GSE1: variants seen among roughly 807,000 people sequenced by gnomAD.
The protein encoded by GSE1 is genetic suppressor element 1.
A neutral mutation model predicts 112.6 loss-of-function variants in GSE1; 32 were observed. That is an observed-to-expected ratio of 0.28 (90% CI 0.21 to 0.38). The LOEUF is 0.38. Ranked by LOEUF, GSE1 falls within the 10% of genes least tolerant of loss-of-function variation. The pLI is 1.00. For synonymous variants in GSE1, 1,115 were observed against 735.6 expected (o/e 1.52, Z -8.35); for missense variants, 2,348 against 1,699.2 (o/e 1.38, Z -6.71).
intron 2 of GSE1, among the ~76,000 whole-genome samples, chr16:85,412,897 G>A (rs1013944796): frequency 5.9e-5 from 9 of 152,208 alleles, no homozygotes; most frequent in Admixed American, 5.2e-4. Context: ...TTTTCAGGGG[G>A]CCGTGATCCA....
chr16:85,361,624 A>G (rs1187222032), intron 2 of GSE1, among the ~76,000 whole-genome samples: 1 of 152,224 alleles, frequency 6.6e-6, no homozygotes, highest in African/African-American at 2.4e-5. Context: ...GTAACCGCCC[A>G]GGGCCGTCCG....
chr16:85,654,138 G>T, intron 3 of GSE1, 140 bp from the exon 4 acceptor site: 1 of 760,670 alleles, frequency 1.3e-6, no homozygotes, highest in Non-Finnish European at 2.1e-6. Context: ...CATGTTTTGC[G>T]TAGAAAGCCT....
chr16:85,452,273 C>T (rs751526651), intron 2 of GSE1, among the ~76,000 whole-genome samples: 23 of 152,308 alleles, frequency 1.5e-4, no homozygotes, highest in Non-Finnish European at 2.8e-4. Flanking sequence ...CCTGCCAGCG[C>T]GGTTATTTAT....
intron 2 of GSE1, among the ~76,000 whole-genome samples, chr16:85,500,132 C>T (rs1166964258): frequency 6.6e-6 from 1 of 152,202 alleles, no homozygotes; most frequent in Non-Finnish European, 1.5e-5. Context: ...TATCATCATC[C>T]CCAATATTGC....
chr16:85,186,058 A>G (rs1251958345), intron 1 of GSE1, among the ~76,000 whole-genome samples: 1 of 152,208 alleles, frequency 6.6e-6, no homozygotes, highest in Non-Finnish European at 1.5e-5. Context: ...GCGACATCTG[A>G]CCATAGTCAC....
chr16:85,620,366 A>G (rs1263505268), intron 1 of GSE1, among the ~76,000 whole-genome samples: 1 of 152,242 alleles, frequency 6.6e-6, no homozygotes, highest in Admixed American at 6.5e-5. Context: ...CTGAATTCCC[A>G]GTGTACATTT....
At position 85,673,093 on chromosome 16, in the gene GSE1, C is replaced by G. The variant is rs990852825; in HGVS notation, c.*554C>G. 1.3e-5 allele frequency: 2 copies of G among 152,038 alleles called. No individual in the cohort carries two copies. The highest frequency in any genetic ancestry group is 6.5e-5 in the Admixed American group (1 of 15,278). 9.4% of individuals were successfully genotyped at this position (152,038 alleles called of 1,614,324 possible). On this transcript the variant is annotated 3_prime_UTR_variant, in exon 16 of 16. Coordinates refer to ENST00000253458, the MANE Select transcript of GSE1 (RefSeq NM_014615.5). ...CAAAATTTTCTTCAAAGCAACAAGT[C>G]CTAGGAGCACACAAAGCAACCCAAA...
chr16:85,409,820 C>G (rs1192401882), intron 2 of GSE1, among the ~76,000 whole-genome samples: 1 of 19,182 alleles, frequency 5.2e-5, no homozygotes, highest in African/African-American at 2.4e-4. Flanking sequence ...CTGGATAATC[C>G]TCACCGTTAC....
intron 15 of GSE1, chr16:85,672,121 C>A (rs1003425578): frequency 5.8e-6 from 2 of 346,526 alleles, no homozygotes; most frequent in African/African-American, 4.3e-5. Flanking sequence ...GCCTCAGCCT[C>A]CCGAGTAGCT....
intron 2 of GSE1, among the ~76,000 whole-genome samples, chr16:85,466,701 T>G (rs1038421): frequency 0.76 from 100,056 of 131,232 alleles, 35,897 homozygotes; most frequent in Non-Finnish European, 0.83. Flanking sequence ...TATATATATA[T>G]AGAGAGAGAG....
intron 2 of GSE1, among the ~76,000 whole-genome samples, chr16:85,509,090 C>T (rs1469545685): frequency 2.0e-5 from 3 of 152,146 alleles, no homozygotes; most frequent in Non-Finnish European, 4.4e-5. Context: ...AGAGAAGAAA[C>T]GCTCACCTGG....
chr16:85,277,322 G>A (rs1040305741), intron 1 of GSE1, among the ~76,000 whole-genome samples: 9 of 152,154 alleles, frequency 5.9e-5, no homozygotes, highest in African/African-American at 2.2e-4. Context: ...GAGTTGGGGT[G>A]CCTTGGAGCC....
Position 85,359,982 on chromosome 16 carries a change from C to T in GSE1, c.2464+2339C>T, listed in dbSNP as rs114415387. ...CCAGGAGGTTGAGGCTGCAGTGAGC[C>T]GTGATTGTACCACCACAGCCCAGCC... On this transcript the variant is annotated intron_variant, in intron 2 of 2. Transcript: ENST00000637419. Among the ~76,000 whole-genome samples the T allele has an allele frequency of 7.5e-3, 1,147 of 152,214 alleles. 20 individuals are homozygous for T. The highest frequency in any genetic ancestry group is 0.026 in the African/African-American group (1,100 of 41,522).
chr16:85,408,461 G>A lies in GSE1; in HGVS notation c.2464+50818G>A, dbSNP rs1167464078. On this transcript the variant is annotated intron_variant, in intron 2 of 2. Coordinates refer to the GSE1 transcript ENST00000637419. ...CTCACTGTTACACTCAGGGACCCCT[G>A]GATAATCCTCACTGTTACTCTCAGG... 7.5e-5 allele frequency among the ~76,000 whole-genome samples: 4 copies of A among 53,422 alleles called. 2 individuals are homozygous for A. The highest frequency in any genetic ancestry group is 1.6e-3 in the East Asian group (2 of 1,238). 35.0% of individuals were successfully genotyped at this position (53,422 alleles called of 152,430 possible). A position where few individuals can be genotyped will look rare whatever the true frequency, so the allele number is the denominator to read the frequency against.
chr16:85,417,071 G>A (rs2048719947), intron 2 of GSE1, among the ~76,000 whole-genome samples: 1 of 152,154 alleles, frequency 6.6e-6, no homozygotes, highest in Non-Finnish European at 1.5e-5. Context: ...GCCCAGGCTG[G>A]TCTCAAACTT....
intron 1 of GSE1, among the ~76,000 whole-genome samples, chr16:85,569,107 A>G (rs2045877478): frequency 6.6e-6 from 1 of 152,164 alleles, no homozygotes; most frequent in Admixed American, 6.5e-5. Flanking sequence ...ATTTTTTCCA[A>G]GATGGTTCTG....
intron 2 of GSE1, among the ~76,000 whole-genome samples, chr16:85,467,003 T>C (rs929177570): frequency 1.3e-5 from 2 of 152,228 alleles, no homozygotes; most frequent in African/African-American, 4.8e-5. Context: ...CAGGTTGTAG[T>C]GAGCTGAGAT....
At chr16:85,582,829 C>G (rs1386140920) in intron 1 of GSE1, among the ~76,000 whole-genome samples, 1 of 152,200 alleles carries the variant, frequency 6.6e-6, no homozygotes, top group Non-Finnish European at 1.5e-5. Context: ...TTTAGCTGTT[C>G]CGAGCCAGTG....
In GSE1 at chr16:85,656,628, G is replaced by C; in HGVS notation, c.1275G>C (p.Arg425=). The C allele has an allele frequency of 6.5e-7, 1 of 1,539,468 alleles. No individual in the cohort carries two copies. The highest frequency in any genetic ancestry group is 1.2e-5 in the South Asian group (1 of 83,506). ...TGCGTGGCCATGCCACTGAGGAGCG[G>C]GGCAAGCCCTCGGAGCAGCTGACCC... The part of the protein sequence containing the change: ...HGLRGHATEE[R]GKPSEQLTPT... Residue 425 remains arginine, a synonymous_variant, in exon 7 of 16, where the codon CGG becomes CGC. Coordinates refer to ENST00000253458, the MANE Select transcript of GSE1 (RefSeq NM_014615.5).
Sources: allele counts gnomAD v4.1 joint callset (sites outside exome capture counted in the v4.1 genomes callset), GRCh38; gene constraint gnomAD v4.1.1; transcripts MANE v1.5; gene names NCBI Gene and HGNC (gene_info 2026-07-23, HGNC 2026-07-21).